The following PTPN12 variants were observed in gnomAD, a reference collection of about 807,000 sequenced individuals.
PTPN12 encodes tyrosine-protein phosphatase non-receptor type 12.
A neutral mutation model predicts 97.6 loss-of-function variants in PTPN12; 29 were observed. That is an observed-to-expected ratio of 0.30 (90% CI 0.22 to 0.41). PTPN12 has a LOEUF of 0.41. Among genes scored for constraint, PTPN12 ranks in the 10% least tolerant of loss-of-function variants. The pLI is 1.00. For missense variants in PTPN12, 819 were observed against 926.0 expected, an observed-to-expected ratio of 0.88 and a Z score of 1.50; for synonymous variants, 327 against 300.4, an observed-to-expected ratio of 1.09 and a Z score of -0.91.
At chr7:77,624,822 TG>T (rs1206767471) in intron 12 of PTPN12, among the ~76,000 whole-genome samples, 2 of 151,606 alleles carry the variant, frequency 1.3e-5, no homozygotes, top group Non-Finnish European at 2.9e-5. Context: ...GTTGATCACC[TG>T]GGGGGAGAAA....
At chr7:77,622,393 C>CA (rs1285761863) in intron 12 of PTPN12, among the ~76,000 whole-genome samples, 1 of 152,132 alleles carries the variant, frequency 6.6e-6, no homozygotes, top group Admixed American at 6.5e-5. Context: ...AAAAAAGAAA[C>CA]AACAGTCCAC....
At chr7:77,622,329 A>G (rs1788968061) in intron 12 of PTPN12, among the ~76,000 whole-genome samples, 2 of 152,216 alleles carry the variant, frequency 1.3e-5, no homozygotes, top group Admixed American at 6.5e-5. Context: ...AGCCTCTAAT[A>G]TGAAAAAACA....
chr7:77,568,195 T>C (rs568985854), intron 1 of PTPN12, among the ~76,000 whole-genome samples: 2 of 152,320 alleles, frequency 1.3e-5, no homozygotes, highest in Admixed American at 6.5e-5. Flanking sequence ...TTAAGAAAAC[T>C]GGATAAATGA....
intron 1 of PTPN12, among the ~76,000 whole-genome samples, chr7:77,569,014 T>A (rs1433005919): frequency 6.6e-6 from 1 of 152,186 alleles, no homozygotes; most frequent in African/African-American, 2.4e-5. Context: ...TCATAAACAA[T>A]CTTTTCTACT....
At chr7:77,586,624 G>T (rs748021978) in intron 5 of PTPN12, among the ~76,000 whole-genome samples, 94 of 152,154 alleles carry the variant, frequency 6.2e-4, no homozygotes, top group Admixed American at 2.6e-3. Flanking sequence ...CACATTGATT[G>T]TCTCTTCCTT....
At chr7:77,589,305 T>C (rs1347625703) in intron 5 of PTPN12, among the ~76,000 whole-genome samples, 1 of 152,210 alleles carries the variant, frequency 6.6e-6, no homozygotes, top group Non-Finnish European at 1.5e-5. Context: ...TTTTATGCTA[T>C]GTCGAAGTAA....
In PTPN12 at chr7:77,619,104, G is replaced by T. The variant is rs528008921; in HGVS notation, c.1025+539G>T. On this transcript the variant is annotated intron_variant, in intron 12 of 17. Transcript: ENST00000248594. ...TGGAGAGAATACAGAGGCAGAAGAA[G>T]ATAGTTTCAACTCCTTTTTAGCCAT... Among the ~76,000 whole-genome samples the T allele has an allele frequency of 1.1e-3, 173 of 152,298 alleles. 1 individual carries two copies. Among genetic ancestry groups the T allele is most frequent in the African/African-American group, 4.1e-3 (170 of 41,592 alleles).
chr7:77,540,048 G>C (rs948882342), intron 1 of PTPN12, among the ~76,000 whole-genome samples: 14 of 152,010 alleles, frequency 9.2e-5, no homozygotes, highest in African/African-American at 3.1e-4. Flanking sequence ...GTCATTTCTT[G>C]TTTGCATGCT....
At chr7:77,560,749 A>G (rs1807960988) in intron 1 of PTPN12, among the ~76,000 whole-genome samples, 1 of 152,226 alleles carries the variant, frequency 6.6e-6, no homozygotes, top group African/African-American at 2.4e-5. Flanking sequence ...AAAGGGTTGA[A>G]AAATACTGCA....
chr7:77,576,557 C>T (rs1787348853), intron 2 of PTPN12, among the ~76,000 whole-genome samples: 1 of 152,056 alleles, frequency 6.6e-6, no homozygotes, highest in Non-Finnish European at 1.5e-5. Context: ...ATTAGCTAGG[C>T]ATGATGGCAC....
intron 1 of PTPN12, among the ~76,000 whole-genome samples, chr7:77,544,801 A>G (rs1298514932): frequency 1.3e-5 from 2 of 152,246 alleles, no homozygotes; most frequent in African/African-American, 4.8e-5. Flanking sequence ...AATAGGCACT[A>G]ATGTCCATTG....
chr7:77,560,752 A>G (rs1305111469), intron 1 of PTPN12, among the ~76,000 whole-genome samples: 1 of 152,212 alleles, frequency 6.6e-6, no homozygotes, highest in East Asian at 1.9e-4. Context: ...GGGTTGAAAA[A>G]TACTGCATTG....
intron 12 of PTPN12, among the ~76,000 whole-genome samples, chr7:77,626,220 A>G (rs1314803011): frequency 6.6e-6 from 1 of 152,234 alleles, no homozygotes; most frequent in Non-Finnish European, 1.5e-5. Context: ...ACAAGACACT[A>G]TAGAAGAAAA....
At chr7:77,543,993 G>A (rs1584085547) in intron 1 of PTPN12, among the ~76,000 whole-genome samples, 1 of 152,168 alleles carries the variant, frequency 6.6e-6, no homozygotes, top group Non-Finnish European at 1.5e-5. Flanking sequence ...ACAAGTTTCT[G>A]TGTGGACACA....
intron 14 of PTPN12, among the ~76,000 whole-genome samples, chr7:77,633,982 C>T (rs999869993): frequency 4.6e-5 from 7 of 151,972 alleles, no homozygotes; most frequent in Non-Finnish European, 1.0e-4. Context: ...GAGACCACGC[C>T]ATTGCATTCC....
At chr7:77,560,871 T>C (rs1263615301) in intron 1 of PTPN12, among the ~76,000 whole-genome samples, 1 of 151,856 alleles carries the variant, frequency 6.6e-6, no homozygotes, top group African/African-American at 2.4e-5. Flanking sequence ...GTTGTACAAA[T>C]ATCTGTTCGA....
Position 77,583,614 on chromosome 7 carries a change from A to C in PTPN12, c.345A>C (p.Ile115=). ...ATQGPLANTV[I]DFWRMIWEYN... ...AAGGACCTTTAGCAAATACAGTAAT[A>C]GATTTTTGGAGGATGATATGGGAGT... Residue 115 remains isoleucine, a synonymous_variant, in exon 4 of 18, where the codon ATA becomes ATC. Transcript: ENST00000248594. 1 of 1,610,204 alleles carries C rather than the reference A, an allele frequency of 6.2e-7. No homozygotes were observed. Among genetic ancestry groups the C allele is most frequent in the Middle Eastern group, 1.7e-4 (1 of 6,046 alleles).
chr7:77,605,855 C>G (rs2151369662), intron 8 of PTPN12, among the ~76,000 whole-genome samples: 1 of 150,260 alleles, frequency 6.7e-6, no homozygotes, highest in Admixed American at 6.7e-5. Context: ...AATCCGTTTT[C>G]TAGGGCTTAT....
intron 2 of PTPN12, among the ~76,000 whole-genome samples, chr7:77,580,209 A>G (rs1437533997): frequency 6.6e-6 from 1 of 152,244 alleles, no homozygotes; most frequent in Non-Finnish European, 1.5e-5. Context: ...TCACACCTGT[A>G]ATCCAAACAC....
Sources: gnomAD v4.1 joint callset for allele counts (sites outside exome capture counted in the v4.1 genomes callset) on GRCh38, gnomAD v4.1.1 for gene constraint, MANE v1.5 for transcripts, NCBI Gene and HGNC (gene_info 2026-07-23, HGNC 2026-07-21) for gene names.